The following PLCE1 variants were observed in gnomAD, a reference collection of about 807,000 sequenced individuals.
PLCE1 encodes the protein 1-phosphatidylinositol 4,5-bisphosphate phosphodiesterase epsilon-1.
Under a neutral mutation model 242.8 loss-of-function variants are expected in PLCE1, and 119 were observed. The observed-to-expected ratio is 0.49, with a 90% confidence interval of 0.42 to 0.57. The LOEUF (loss-of-function observed/expected upper bound fraction) is 0.57. PLCE1 is among the 20% of genes least tolerant of loss of function. PLCE1 has a pLI of 0.00. For synonymous variants in PLCE1, 945 were observed against 1,017.4 expected, an observed-to-expected ratio of 0.93 and a Z score of 1.35; for missense variants, 2,441 against 2,788.8, an observed-to-expected ratio of 0.88 and a Z score of 2.81.
chr10:94,259,305 A>C (rs577528834), intron 13 of PLCE1, among the ~76,000 whole-genome samples, 155 bp downstream of exon 13: 12 of 145,854 alleles, frequency 8.2e-5, no homozygotes, highest in African/African-American at 3.1e-4. Context: ...TTTTTTTGAG[A>C]TGCAGTCTCA....
At position 94,097,807 on chromosome 10, in the gene PLCE1, T is replaced by C. The variant is rs548272636; in HGVS notation, c.1207-34367T>C. ...TCGTCCAAGTATGTGGTGCTGAGCC[T>C]TTAGCCAGAGCTGGGGCAGTCAGAA... On this transcript the variant is annotated intron_variant, in intron 2 of 32. Transcript: ENST00000371380. Among the ~76,000 whole-genome samples, 16 of 152,290 alleles carry C rather than the reference T, an allele frequency of 1.1e-4. No individual in the cohort carries two copies. In the South Asian group the frequency reaches 2.5e-3, roughly 24 times the overall value.
chr10:94,226,688 T>C (rs1185550178), intron 4 of PLCE1, among the ~76,000 whole-genome samples: 1 of 152,134 alleles, frequency 6.6e-6, no homozygotes, highest in East Asian at 1.9e-4. Context: ...CAAATATCTT[T>C]CAATCAAAAT....
At position 94,252,402 on chromosome 10, in the gene PLCE1, C is replaced by A; in HGVS notation, c.3183C>A (p.Pro1061=). ...GGTGGAGTGCTCGAAACCCCAGCCC[C>A]GGAACATCAGCAAAGAATGCTGAGA... ...GRRWSARNPS[P]GTSAKNAEKP... is the part of the protein sequence containing the mutation. The change falls in exon 9 of 33, where the codon CCC becomes CCA. Residue 1061 remains proline (P), a synonymous_variant. Coordinates refer to ENST00000371380, the MANE Select transcript of PLCE1 (RefSeq NM_016341.4). 6.2e-7 allele frequency: 1 copy of A among 1,613,914 alleles called. No individual in the cohort carries two copies. Among genetic ancestry groups the A allele is most frequent in the Non-Finnish European group, 8.5e-7 (1 of 1,179,974 alleles).
At chr10:94,326,876 C>T (rs929268508) in intron 32 of PLCE1, among the ~76,000 whole-genome samples, 1 of 152,136 alleles carries the variant, frequency 6.6e-6, no homozygotes, top group Non-Finnish European at 1.5e-5. Context: ...GCTGGGGAGG[C>T]CTGGCCAGGC....
intron 1 of PLCE1, among the ~76,000 whole-genome samples, chr10:94,024,694 C>T (rs144141826): frequency 0.011 from 1,620 of 152,128 alleles, 18 homozygotes; most frequent in Middle Eastern, 0.044. Context: ...CCTTTAAACA[C>T]CTTTAATATG....
At chr10:94,121,915 G>A (rs1245408783) in intron 2 of PLCE1, among the ~76,000 whole-genome samples, 1 of 152,194 alleles carries the variant, frequency 6.6e-6, no homozygotes, top group Non-Finnish European at 1.5e-5. Context: ...CATGAAGATA[G>A]AGGCCACACT....
chr10:94,239,363 G>A (rs190279505), intron 7 of PLCE1, among the ~76,000 whole-genome samples: 6 of 152,286 alleles, frequency 3.9e-5, no homozygotes, highest in Admixed American at 2.0e-4. Flanking sequence ...ATAAGTGTGT[G>A]GTTGTTCCTC....
At chr10:94,266,348 C>T (rs2051515916) in intron 16 of PLCE1, among the ~76,000 whole-genome samples, 1 of 152,214 alleles carries the variant, frequency 6.6e-6, no homozygotes, top group African/African-American at 2.4e-5. Flanking sequence ...GAAAATGCAA[C>T]TTCCTATGTA....
At chr10:94,223,335 C>T (rs1230100861) in intron 4 of PLCE1, among the ~76,000 whole-genome samples, 2 of 151,640 alleles carry the variant, frequency 1.3e-5, no homozygotes, top group Non-Finnish European at 2.9e-5. Context: ...GCCTACTTTA[C>T]CTCCCTAAAA....
chr10:94,048,758 G>T (rs75214839), intron 2 of PLCE1, among the ~76,000 whole-genome samples: 58,204 of 147,216 alleles, frequency 0.4, 13,896 homozygotes, highest in African/African-American at 0.68. Flanking sequence ...CATATATATA[G>T]AGAGAGAGAG....
intron 2 of PLCE1, among the ~76,000 whole-genome samples, chr10:94,046,704 A>C (rs1589911954): frequency 6.6e-6 from 1 of 152,332 alleles, no homozygotes; most frequent in South Asian, 2.1e-4. Context: ...AGGCTCCATA[A>C]TGATTAAAGG....
At chr10:94,261,279 T>C (rs1416306440) in intron 13 of PLCE1, among the ~76,000 whole-genome samples, 2 of 152,230 alleles carry the variant, frequency 1.3e-5, no homozygotes, top group Non-Finnish European at 2.9e-5. Context: ...CGTCTTTCAC[T>C]TAGCAATATG....
chr10:94,243,839 A>C (rs1203870054), intron 7 of PLCE1, among the ~76,000 whole-genome samples: 1 of 152,218 alleles, frequency 6.6e-6, no homozygotes, highest in Non-Finnish European at 1.5e-5. Context: ...CCTGGTTTTG[A>C]AATTGACATT....
chr10:94,282,151 A>T (rs1361933777), intron 20 of PLCE1, among the ~76,000 whole-genome samples: 1 of 148,474 alleles, frequency 6.7e-6, no homozygotes, highest in Non-Finnish European at 1.5e-5. Flanking sequence ...CCATCTCTAA[A>T]GTCAGGGTGC....
At chr10:94,207,201 G>A (rs528117084) in intron 4 of PLCE1, among the ~76,000 whole-genome samples, 25 of 152,238 alleles carry the variant, frequency 1.6e-4, no homozygotes, top group Admixed American at 3.9e-4. Flanking sequence ...TCAGTGACAC[G>A]TCAGGAGCGT....
At chr10:94,003,529 G>C (rs1044002224) in intron 1 of PLCE1, among the ~76,000 whole-genome samples, 9 of 152,178 alleles carry the variant, frequency 5.9e-5, no homozygotes, top group African/African-American at 2.2e-4. Flanking sequence ...TAATCTAGAA[G>C]CCACTTGGAT....
At chr10:93,999,846 G>T (rs1010851286) in intron 1 of PLCE1, among the ~76,000 whole-genome samples, 1 of 152,200 alleles carries the variant, frequency 6.6e-6, no homozygotes, top group Non-Finnish European at 1.5e-5. Flanking sequence ...GCTCAAACTT[G>T]AGCTGGTTAG....
At chr10:94,232,375 A>G (rs747204316) in intron 5 of PLCE1, among the ~76,000 whole-genome samples, 19 of 152,170 alleles carry the variant, frequency 1.2e-4, no homozygotes, top group African/African-American at 4.8e-5. Context: ...AGAGACTTGT[A>G]GTAGTGAGGA....
At chr10:94,302,660 G>A (rs572101323) in intron 24 of PLCE1, among the ~76,000 whole-genome samples, 37 of 152,222 alleles carry the variant, frequency 2.4e-4, no homozygotes, top group South Asian at 1.2e-3. Flanking sequence ...ATCTGGGCTC[G>A]ATTTATAGCA....
Sources: allele counts gnomAD v4.1 joint callset (sites outside exome capture counted in the v4.1 genomes callset), GRCh38; gene constraint gnomAD v4.1.1; transcripts MANE v1.5; gene names NCBI Gene and HGNC (gene_info 2026-07-23, HGNC 2026-07-21).